The following RNF144B variants were observed in gnomAD, a reference collection of about 807,000 sequenced individuals.
RNF144B encodes ring finger protein 144B.
RNF144B carries 25 observed loss-of-function variants against 40.2 expected under a neutral mutation model. The observed-to-expected ratio is 0.62, with a 90% confidence interval of 0.45 to 0.87. The LOEUF is 0.87. Among genes scored for constraint, RNF144B ranks in the 40% least tolerant of loss-of-function variants. RNF144B has a pLI of 0.00. For missense variants in RNF144B, 365 were observed against 373.7 expected, an observed-to-expected ratio of 0.98 and a Z score of 0.19; for synonymous variants, 145 against 136.3, an observed-to-expected ratio of 1.06 and a Z score of -0.44.
At position 18,434,192 on chromosome 6, in the gene RNF144B, A is replaced by G. The variant is rs1028644010; in HGVS notation, c.271-5492A>G. ...GATGGGTAGCAGTTCTCTAAAGCCTATCCCCAATTTCTGTTTCATTTTTTT... is the reference window on the plus strand; with the variant it reads ...GATGGGTAGCAGTTCTCTAAAGCCTGTCCCCAATTTCTGTTTCATTTTTTT... On this transcript the variant is annotated intron_variant, in intron 3 of 7. Transcript: ENST00000259939. The surrounding 1 kb of genome is among the most constrained non-coding windows in gnomAD (Gnocchi z 4.1). 2.0e-5 allele frequency among the ~76,000 whole-genome samples: 3 copies of G among 152,134 alleles called. No homozygotes were observed. The highest frequency in any genetic ancestry group is 6.6e-5 in the Admixed American group (1 of 15,266).
chr6:18,442,905 G>A lies in RNF144B; in HGVS notation c.331+3161G>A. Among the ~76,000 whole-genome samples the A allele has an allele frequency of 6.6e-6, 1 of 152,158 alleles. No homozygotes were observed. The highest frequency in any genetic ancestry group is 1.9e-4 in the East Asian group (1 of 5,206). ...TTTAAGGCTGAATAACCTATTGTAT[G>A]TTTTTAACGTCATTTTGTTTATTCA... On this transcript the variant is annotated intron_variant, in intron 4 of 7. Transcript: ENST00000259939. This position sits in a 1 kb window ranked among gnomAD's most constrained non-coding sequence, Gnocchi z 4.3.
intron 2 of RNF144B, chr6:18,401,859 C>CTTTGACTGTGCCACCCTTTTG: frequency 1.1e-5 from 1 of 95,122 alleles, no homozygotes; most frequent in Admixed American, 1.1e-4. Flanking sequence ...CCCCCTGCCC[C>CTTTGACTGTGCCACCCTTTTG]AGGGAGTATC....
At chr6:18,463,259 T>A in intron 6 of RNF144B, 32 bp from the exon 7 acceptor site, 1 of 1,371,370 alleles carries the variant, frequency 7.3e-7, no homozygotes, top group Non-Finnish European at 1.0e-6. Flanking sequence ...TAAAACTGCA[T>A]ATTTACTGAA....
intron 7 of RNF144B, 103 bp downstream of exon 7, chr6:18,463,483 C>T: frequency 1.4e-6 from 1 of 733,064 alleles, no homozygotes; most frequent in Non-Finnish European, 2.4e-6. Flanking sequence ...GAGGTACCAT[C>T]CCAGCCTGGG....
In RNF144B at chr6:18,448,815, A is replaced by G. The variant is rs900262988; in HGVS notation, c.332-8340A>G. Among the ~76,000 whole-genome samples the G allele has an allele frequency of 2.6e-5, 4 of 152,054 alleles. No individual in the cohort carries two copies. The highest frequency in any genetic ancestry group is 4.4e-5 in the Non-Finnish European group (3 of 68,016). ...CTGTTTCATTTTTATGCTGGTCACA[A>G]CCTATTAAACTGATACCTCAATCCC... On this transcript the variant is annotated intron_variant, in intron 4 of 7. Coordinates refer to ENST00000259939, the MANE Select transcript of RNF144B (RefSeq NM_182757.4). The surrounding 1 kb of genome is among the most constrained non-coding windows in gnomAD (Gnocchi z 4.0).
rs896248555 is a variant in RNF144B at position 18,400,165 on chromosome 6, C to T, written c.165+466C>T. ...GCGGGCGCCTGTAGTCCCAGCTACT[C>T]GGGAGGCGGAGGCAGGAGAATGGCG... On this transcript the variant is annotated intron_variant, in intron 2 of 7. Coordinates refer to ENST00000259939, the MANE Select transcript of RNF144B (RefSeq NM_182757.4). The surrounding 1 kb of genome is among the most constrained non-coding windows in gnomAD (Gnocchi z 5.6). Among the ~76,000 whole-genome samples the T allele has an allele frequency of 9.9e-5, 15 of 151,570 alleles. No individual in the cohort carries two copies. Among genetic ancestry groups the T allele is most frequent in the African/African-American group, 2.4e-4 (10 of 41,282 alleles).
In RNF144B at chr6:18,410,813, A is replaced by G. The variant is rs533798075; in HGVS notation, c.165+11114A>G. Among the ~76,000 whole-genome samples, 2 of 152,320 alleles carry G rather than the reference A, an allele frequency of 1.3e-5. No homozygotes were observed. The highest frequency in any genetic ancestry group is 4.8e-5 in the African/African-American group (2 of 41,576). On this transcript the variant is annotated intron_variant, in intron 2 of 7. Transcript: ENST00000259939. This position sits in a 1 kb window ranked among gnomAD's most constrained non-coding sequence, Gnocchi z 4.6. Reference sequence around the variant, plus strand: ...AAGGCTGGAGCAGGAGGAGGGAACCATGGCAGGCTGAAGCAGAGCTCGGAG... The same window carrying G: ...AAGGCTGGAGCAGGAGGAGGGAACCGTGGCAGGCTGAAGCAGAGCTCGGAG...
rs1759117056 is a variant in RNF144B, at chr6:18,447,872, A to T, written c.331+8128A>T. On this transcript the variant is annotated intron_variant, in intron 4 of 7. Coordinates refer to ENST00000259939, the MANE Select transcript of RNF144B (RefSeq NM_182757.4). The surrounding 1 kb of genome is among the most constrained non-coding windows in gnomAD (Gnocchi z 5.6). ...ACACTATAGGTTTTAGAAGAGGTGGATCTGGCAAAGGAGATTGACAAAGGA... is the reference window on the plus strand; with the variant it reads ...ACACTATAGGTTTTAGAAGAGGTGGTTCTGGCAAAGGAGATTGACAAAGGA... 6.6e-6 allele frequency among the ~76,000 whole-genome samples: 1 copy of T among 152,194 alleles called. No homozygotes were observed. Among genetic ancestry groups the T allele is most frequent in the Non-Finnish European group, 1.5e-5 (1 of 68,028 alleles).
At position 18,427,563 on chromosome 6, in the gene RNF144B, T is replaced by A; in HGVS notation, c.166-18T>A. On this transcript the variant is annotated intron_variant, in intron 2 of 7. Coordinates refer to ENST00000259939, the MANE Select transcript of RNF144B (RefSeq NM_182757.4). Reference sequence around the variant, plus strand: ...CTGTAATGGAATGGGCAATTGTCTTTTTTTTCTTAACTTCCAGTGCCTGAA... The same window carrying A: ...CTGTAATGGAATGGGCAATTGTCTTATTTTTCTTAACTTCCAGTGCCTGAA... 1 of 1,594,864 alleles carries A rather than the reference T, an allele frequency of 6.3e-7. No individual in the cohort carries two copies.
rs1464240658 is a variant in RNF144B, at chr6:18,429,743, C to T, written c.270+2058C>T. 2.0e-5 allele frequency among the ~76,000 whole-genome samples: 3 copies of T among 152,226 alleles called. No individual in the cohort carries two copies. In the South Asian group the frequency reaches 6.2e-4, roughly 32 times the overall value. On this transcript the variant is annotated intron_variant, in intron 3 of 7. Coordinates refer to ENST00000259939, the MANE Select transcript of RNF144B (RefSeq NM_182757.4). ...GTCTTGGGTATTTGGGTGTATCTTT[C>T]TATGCATAATCCTTCCAGGAAAGAC...
intron 2 of RNF144B, among the ~76,000 whole-genome samples, chr6:18,426,565 A>G (rs906856966): frequency 6.6e-6 from 1 of 152,170 alleles, no homozygotes; most frequent in African/African-American, 2.4e-5. Context: ...CAGACACAAC[A>G]GGCAGTGAGC....
At chr6:18,421,533 CT>C (rs975553859) in intron 2 of RNF144B, among the ~76,000 whole-genome samples, 22 of 152,028 alleles carry the variant, frequency 1.4e-4, no homozygotes, top group Non-Finnish European at 2.6e-4. Context: ...TTCTTCTCTT[CT>C]TTTTTTCATT....
rs1363189877 is a variant in RNF144B at position 18,409,402 on chromosome 6, A to AG, written c.165+9703_165+9704insG. ...AAAAAAAAAAAAAAAAAAAAAAAAAAACCCTGGAAAACTCTTCTTTTTCTG... is the reference window on the plus strand; with the variant it reads ...AAAAAAAAAAAAAAAAAAAAAAAAAAGACCCTGGAAAACTCTTCTTTTTCTG... On this transcript the variant is annotated intron_variant, in intron 2 of 7. Coordinates refer to ENST00000259939, the MANE Select transcript of RNF144B (RefSeq NM_182757.4). Among the ~76,000 whole-genome samples the AG allele has an allele frequency of 3.3e-3, 388 of 118,376 alleles. 28 individuals carry two copies. Among genetic ancestry groups the AG allele is most frequent in the Middle Eastern group, 5.2e-3 (1 of 194 alleles). The allele number at this position is 118,376 out of a possible 152,430, so 77.7% of individuals were successfully genotyped here.
Position 18,387,473 on chromosome 6 carries a change from A to G in RNF144B, c.-194A>G, listed in dbSNP as rs773541026. On this transcript the variant is annotated 5_prime_UTR_variant, in exon 1 of 8. Coordinates refer to ENST00000259939, the MANE Select transcript of RNF144B (RefSeq NM_182757.4). ...GGTCTGGGAGCGCAAGTCCTGTTGC[A>G]GTCTTGCAAAGTGTAAAGCTGTCAG... The G allele has an allele frequency of 7.9e-6, 10 of 1,267,996 alleles. No individual in the cohort carries two copies. The East Asian group carries it at 3.7e-4, about 47-fold the overall frequency. 78.5% of individuals were successfully genotyped at this position (1,267,996 alleles called of 1,614,324 possible).
rs77940235 is a variant in RNF144B, at chr6:18,427,756, T to A, written c.270+71T>A. 117 of 1,025,540 alleles carry A rather than the reference T, an allele frequency of 1.1e-4. 1 individual carries two copies. The East Asian group carries it at 2.8e-3, about 25-fold the overall frequency. 63.5% of individuals were successfully genotyped at this position (1,025,540 alleles called of 1,614,324 possible). ...TTTATTAGGATCTTGAGTCTTTATG[T>A]ATTTCCCTACCAGGGAGTCTAGCAA... On this transcript the variant is annotated intron_variant, in intron 3 of 7. Transcript: ENST00000259939.
intron 4 of RNF144B, among the ~76,000 whole-genome samples, chr6:18,451,408 G>T (rs1052463538): frequency 1.3e-5 from 2 of 152,166 alleles, no homozygotes; most frequent in Admixed American, 6.5e-5. Flanking sequence ...TGAAGTCGAG[G>T]CTTACTTACG....
rs539201237 is a variant in RNF144B, at chr6:18,427,841, T to C, written c.270+156T>C. Among the ~76,000 whole-genome samples, 12 of 152,364 alleles carry C rather than the reference T, an allele frequency of 7.9e-5. No individual in the cohort carries two copies. The South Asian group carries it at 2.5e-3, about 32-fold the overall frequency. ...TTATTGCAGCTTACCTTTGGACTTT[T>C]TATACAAACTGTTAAAGCTGTCATT... On this transcript the variant is annotated intron_variant, in intron 3 of 7. Transcript: ENST00000259939.
At chr6:18,421,903 T>C (rs1758437383) in intron 2 of RNF144B, among the ~76,000 whole-genome samples, 1 of 152,154 alleles carries the variant, frequency 6.6e-6, no homozygotes, top group Admixed American at 6.5e-5. Flanking sequence ...TAAACTGTGC[T>C]TATTTATGGC....
rs1759427367 is a variant in RNF144B, at chr6:18,460,545, G to T, written c.681+794G>T. On this transcript the variant is annotated intron_variant, in intron 6 of 7. Coordinates refer to ENST00000259939, the MANE Select transcript of RNF144B (RefSeq NM_182757.4). This position sits in a 1 kb window ranked among gnomAD's most constrained non-coding sequence, Gnocchi z 4.4. Reference sequence around the variant, plus strand: ...CACTATTAGATTTTTTCTTCGTTTTGAATTTAAAGAAAAATGGTTCAAATC... The same window carrying T: ...CACTATTAGATTTTTTCTTCGTTTTTAATTTAAAGAAAAATGGTTCAAATC... Among the ~76,000 whole-genome samples the T allele has an allele frequency of 2.6e-5, 4 of 152,006 alleles. No individual in the cohort carries two copies. Among genetic ancestry groups the T allele is most frequent in the Non-Finnish European group, 5.9e-5 (4 of 68,008 alleles).
Sources: allele counts gnomAD v4.1 joint callset (sites outside exome capture counted in the v4.1 genomes callset), GRCh38; gene constraint gnomAD v4.1.1; non-coding constraint Gnocchi (gnomAD v3.1); transcripts MANE v1.5; gene names NCBI Gene and HGNC (gene_info 2026-07-23, HGNC 2026-07-21).